Variants in DDX6 observed in about 807,000 individuals in gnomAD.
DDX6 encodes the protein DEAD-box helicase 6, also known as probable ATP-dependent RNA helicase DDX6.
In DDX6, 7 loss-of-function variants were observed where a neutral mutation model predicts 60.6. The observed-to-expected ratio is 0.12, with a 90% confidence interval of 0.07 to 0.22. DDX6 has a LOEUF of 0.22. Among genes scored for constraint, DDX6 ranks in the 10% least tolerant of loss-of-function variants. The probability of loss-of-function intolerance (pLI) is 1.00; values close to 1 mark genes in which losing one functional copy is unlikely to be tolerated. For synonymous variants in DDX6, 207 were observed against 201.0 expected (o/e 1.03, Z -0.25); for missense variants, 270 against 589.9 (o/e 0.46, Z 5.62).
At chr11:118,769,181 T>C (rs1374761506) in intron 4 of DDX6, among the ~76,000 whole-genome samples, 1 of 151,972 alleles carries the variant, frequency 6.6e-6, no homozygotes, top group Non-Finnish European at 1.5e-5. Flanking sequence ...ACTATATATA[T>C]TTTGAGACTA....
chr11:118,779,988 C>T (rs949749501), intron 3 of DDX6, among the ~76,000 whole-genome samples: 4 of 151,634 alleles, frequency 2.6e-5, no homozygotes, highest in South Asian at 2.1e-4. Flanking sequence ...TGGTGGTGCA[C>T]GCCTGTAGTC....
At position 118,781,174 on chromosome 11, in the gene DDX6, C is replaced by A; in HGVS notation, c.211G>T (p.Asp71Tyr). 1 of 1,603,048 alleles carries A rather than the reference C, an allele frequency of 6.2e-7. No homozygotes were observed. The highest frequency in any genetic ancestry group is 1.1e-5 in the South Asian group (1 of 89,584). The change falls in exon 3 of 14, where the codon GAC (aspartate) becomes TAC (tyrosine). Residue 71 changes from aspartate (D) to tyrosine (Y), a missense_variant. By Grantham distance (160) the Asp-to-Tyr change is radical. Transcript: ENST00000534980. ...GGGAGTTTTAAAGTCTTTTTCCAGT[C>A]ATCACCAGGTCTAGAGAGAATACAG... ...SMTTTIKPGD[D>Y]WKKTLKLPPK...
chr11:118,770,897 AAGAG>A (rs558261579), intron 4 of DDX6, among the ~76,000 whole-genome samples: 7 of 150,862 alleles, frequency 4.6e-5, no homozygotes, highest in Admixed American at 4.0e-4. Context: ...AAAAAAAAAA[AAGAG>A]AGAGAAAAGA....
In DDX6 at chr11:118,786,319, C is replaced by G; in HGVS notation, c.-68G>C. ...AAAGTCAGTAGAGAAACTGTAATAA[C>G]AGTTTATTAGGCTCTCCAAAATGAA... On this transcript the variant is annotated 5_prime_UTR_variant, in exon 2 of 14. Transcript: ENST00000534980. The G allele has an allele frequency of 7.3e-7, 1 of 1,378,520 alleles. No individual in the cohort carries two copies. Among genetic ancestry groups the G allele is most frequent in the African/African-American group, 1.4e-5 (1 of 69,286 alleles). The allele number at this position is 1,378,520 out of a possible 1,614,324, so 85.4% of individuals were successfully genotyped here.
chr11:118,769,682 G>GTT (rs142556126), intron 4 of DDX6, among the ~76,000 whole-genome samples: 2 of 152,022 alleles, frequency 1.3e-5, no homozygotes, highest in Non-Finnish European at 2.9e-5. Context: ...CTTGATCGTT[G>GTT]AAAAATTGTT....
At chr11:118,769,004 A>AAAAAAAAAAAAAG (rs1555161862) in intron 4 of DDX6, among the ~76,000 whole-genome samples, 1 of 149,080 alleles carries the variant, frequency 6.7e-6, no homozygotes, top group Admixed American at 6.7e-5. Context: ...AAAAAAAAAA[A>AAAAAAAAAAAAAG]AAAAAGGCTA....
chr11:118,765,828 T>C (rs540564530), intron 5 of DDX6, among the ~76,000 whole-genome samples: 1 of 149,026 alleles, frequency 6.7e-6, no homozygotes, highest in South Asian at 2.1e-4. Flanking sequence ...CACCTACCTA[T>C]AAGCCCAGCA....
chr11:118,790,256 C>G (rs1457937050), intron 1 of DDX6: 2 of 151,980 alleles, frequency 1.3e-5, no homozygotes, highest in Non-Finnish European at 2.9e-5. Context: ...CCCCGCCCCA[C>G]GCCCCAAACA....
chr11:118,767,490 C>T (rs1861392633), intron 5 of DDX6: 1 of 152,124 alleles, frequency 6.6e-6, no homozygotes, highest in Non-Finnish European at 1.5e-5. Flanking sequence ...CTCTTAAAAT[C>T]CCAAAATCCA....
At position 118,750,691 on chromosome 11, in the gene DDX6, T is replaced by C. The variant is rs1860728512; in HGVS notation, c.*1414A>G. On this transcript the variant is annotated 3_prime_UTR_variant, in exon 14 of 14. Transcript: ENST00000534980. Reference sequence around the variant, plus strand: ...TCAATAGAATTCCTACACTGCAAGGTAGATTAATCTTTGCCCCCTGTTGCA... The same window carrying C: ...TCAATAGAATTCCTACACTGCAAGGCAGATTAATCTTTGCCCCCTGTTGCA... 1 of 152,112 alleles carries C rather than the reference T, an allele frequency of 6.6e-6. No individual in the cohort carries two copies. Among genetic ancestry groups the C allele is most frequent in the Non-Finnish European group, 1.5e-5 (1 of 67,968 alleles). The allele number at this position is 152,112 out of a possible 1,614,324, so 9.4% of individuals were successfully genotyped here. A position where few individuals can be genotyped will look rare whatever the true frequency, so the allele number is the denominator to read the frequency against.
Position 118,753,867 on chromosome 11 carries a change from G to A in DDX6, c.*7+838C>T, listed in dbSNP as rs566918835. On this transcript the variant is annotated intron_variant, in intron 13 of 13. Coordinates refer to ENST00000534980, the MANE Select transcript of DDX6 (RefSeq NM_004397.6). ...AGCCTCCCTTTAGGAGGCTGAGGCG[G>A]GTAGATCACTTGAGGTCAGGAGTTC... Among the ~76,000 whole-genome samples the A allele has an allele frequency of 3.3e-5, 5 of 152,100 alleles. No homozygotes were observed. The South Asian group carries it at 1.0e-3, about 32-fold the overall frequency.
In DDX6 at chr11:118,748,129, C is replaced by G. The variant is rs1357708563; in HGVS notation, c.*3976G>C. On this transcript the variant is annotated 3_prime_UTR_variant, in exon 14 of 14. Coordinates refer to ENST00000534980, the MANE Select transcript of DDX6 (RefSeq NM_004397.6). ...TGTTTTCTCCAGGCTCCCCTTCCCA[C>G]ACAACCAATGTAAAATACAGCAGCC... 2 of 152,096 alleles carry G rather than the reference C, an allele frequency of 1.3e-5. No individual in the cohort carries two copies. The highest frequency in any genetic ancestry group is 2.9e-5 in the Non-Finnish European group (2 of 68,024). The allele number at this position is 152,096 out of a possible 1,614,324, so 9.4% of individuals were successfully genotyped here.
intron 13 of DDX6, 166 bp downstream of exon 13, chr11:118,754,539 A>T (rs1432105362): frequency 5.6e-6 from 3 of 534,906 alleles, no homozygotes; most frequent in Non-Finnish European, 9.4e-6. Context: ...TTCTCGAATG[A>T]GACTACAACC....
chr11:118,776,725 C>T (rs1861711724), intron 4 of DDX6, among the ~76,000 whole-genome samples: 1 of 151,402 alleles, frequency 6.6e-6, no homozygotes, highest in African/African-American at 2.4e-5. Context: ...CCCCGCTATT[C>T]GGGAGGCTGA....
intron 2 of DDX6, among the ~76,000 whole-genome samples, chr11:118,782,274 C>T (rs1555164835): frequency 6.6e-6 from 1 of 152,114 alleles, no homozygotes; most frequent in East Asian, 1.9e-4. Flanking sequence ...CAGTATTAGC[C>T]AATGAGCATC....
intron 6 of DDX6, 31 bp from the exon 7 acceptor site, chr11:118,763,337 A>C: frequency 2.5e-4 from 367 of 1,493,262 alleles, no homozygotes; most frequent in Non-Finnish European, 3.1e-4. Flanking sequence ...ATACATTCTC[A>C]TTAATTTTAA....
At chr11:118,759,532 A>T (rs1406419589) in intron 8 of DDX6, among the ~76,000 whole-genome samples, 1 of 152,196 alleles carries the variant, frequency 6.6e-6, no homozygotes, top group Non-Finnish European at 1.5e-5. Context: ...GAAAATTCAA[A>T]ATCCAAAGAA....
At chr11:118,777,543 C>T (rs929916101) in intron 4 of DDX6, among the ~76,000 whole-genome samples, 1 of 152,068 alleles carries the variant, frequency 6.6e-6, no homozygotes, top group African/African-American at 2.4e-5. Context: ...TCCTTGGATG[C>T]CAATGCTGGG....
intron 10 of DDX6, 52 bp downstream of exon 10, chr11:118,757,115 AAAAT>A: frequency 2.1e-6 from 2 of 958,204 alleles, no homozygotes; most frequent in Non-Finnish European, 3.0e-6. Flanking sequence ...ACATTAAAAC[AAAAT>A]AAAGAAAGAG....
Sources: gnomAD v4.1 joint callset for allele counts (sites outside exome capture counted in the v4.1 genomes callset) on GRCh38, gnomAD v4.1.1 for gene constraint, MANE v1.5 for transcripts, NCBI Gene and HGNC (gene_info 2026-07-23, HGNC 2026-07-21) for gene names.